The following SPADH variants were observed in gnomAD, a reference collection of about 807,000 sequenced individuals.
The protein encoded by SPADH is CUB domain-containing protein.
chr10:122,678,268 G>T, the SPADH span, among the ~76,000 whole-genome samples: 1 of 152,156 alleles, frequency 6.6e-6, no homozygotes, highest in Admixed American at 6.5e-5. Context: ...GAACTTCCAT[G>T]TGCAGCTTGT....
the SPADH span, among the ~76,000 whole-genome samples, chr10:122,677,105 C>A: frequency 6.6e-6 from 1 of 152,188 alleles, no homozygotes. Context: ...TTCCTCACAA[C>A]TGGTTTCTCT....
chr10:122,676,972 C>T, the SPADH span: 1 of 915,828 alleles, frequency 1.1e-6, no homozygotes, highest in African/African-American at 1.8e-5. Context: ...TATGGTTCAC[C>T]TTCCACCCTA....
the SPADH span, chr10:122,679,097 T>A: frequency 1.2e-6 from 1 of 802,934 alleles, no homozygotes; most frequent in Non-Finnish European, 1.5e-6. Flanking sequence ...CTGCTCTGCC[T>A]GAGCCTGGTT....
the SPADH span, chr10:122,676,796 C>T: frequency 1.0e-6 from 1 of 985,340 alleles, no homozygotes; most frequent in East Asian, 1.1e-4. Context: ...ATGAATATGG[C>T]AGGATCTTCA....
the SPADH span, among the ~76,000 whole-genome samples, chr10:122,676,524 T>C: frequency 6.6e-6 from 1 of 152,236 alleles, no homozygotes; most frequent in African/African-American, 2.4e-5. Flanking sequence ...TATTTCCCAC[T>C]GGTCATAAAC....
At chr10:122,673,072 C>A in the SPADH span, 1 of 287,142 alleles carries the variant, frequency 3.5e-6, no homozygotes, top group Non-Finnish European at 5.2e-6. Flanking sequence ...GAATGTTTCA[C>A]TTAGTGCTGG....
the SPADH span, chr10:122,676,995 A>C: frequency 1.3e-6 from 1 of 774,760 alleles, no homozygotes; most frequent in Non-Finnish European, 1.6e-6. Context: ...CATGACAGCC[A>C]TTTGACACAC....
the SPADH span, among the ~76,000 whole-genome samples, chr10:122,675,224 A>T: frequency 2.0e-5 from 3 of 151,752 alleles, no homozygotes; most frequent in Non-Finnish European, 4.4e-5. Context: ...TTTTCCCAGG[A>T]AAGTGGGACG....
the SPADH span, among the ~76,000 whole-genome samples, chr10:122,674,664 T>C: frequency 5.3e-5 from 8 of 152,316 alleles, no homozygotes; most frequent in African/African-American, 1.2e-4. Context: ...ATTATGAGGA[T>C]TGCTAATTTA....
chr10:122,672,979 T>C, the SPADH span: 7 of 962,086 alleles, frequency 7.3e-6, no homozygotes, highest in Non-Finnish European at 8.7e-6. Flanking sequence ...GTTTTCCTTT[T>C]CAACTGCAGA....
the SPADH span, chr10:122,679,011 A>G: frequency 4.1e-6 from 4 of 985,328 alleles, no homozygotes; most frequent in East Asian, 1.1e-4. Flanking sequence ...ACCTTCTTTG[A>G]AATATATTAC....
the SPADH span, among the ~76,000 whole-genome samples, chr10:122,677,263 C>A: frequency 6.6e-6 from 1 of 152,150 alleles, no homozygotes; most frequent in South Asian, 2.1e-4. Flanking sequence ...TCAATCCCTG[C>A]CAGACTCATC....
the SPADH span, chr10:122,675,613 G>T: frequency 5.6e-5 from 55 of 973,756 alleles, 1 homozygote; most frequent in South Asian, 7.6e-4. Context: ...GATTTTCATG[G>T]TTTTTTTTGT....
the SPADH span, chr10:122,678,911 G>C: frequency 3.0e-6 from 3 of 984,532 alleles, no homozygotes; most frequent in Non-Finnish European, 3.6e-6. Context: ...TGAGTCCTTG[G>C]ACAGGATTTG....
At chr10:122,675,004 G>A in the SPADH span, among the ~76,000 whole-genome samples, 2 of 152,184 alleles carry the variant, frequency 1.3e-5, no homozygotes, top group Non-Finnish European at 2.9e-5. Flanking sequence ...ACCGTGGGAC[G>A]TATGAGATTG....
the SPADH span, among the ~76,000 whole-genome samples, chr10:122,677,073 T>A: frequency 6.6e-6 from 1 of 152,214 alleles, no homozygotes. Context: ...ATAAAGTTGA[T>A]TTTCTTGTCA....
chr10:122,676,911 G>A, the SPADH span: 1 of 985,356 alleles, frequency 1.0e-6, no homozygotes, highest in Non-Finnish European at 1.2e-6. Context: ...GGGGTTGTGA[G>A]TTTTCTTTGA....
At chr10:122,676,897 T>C in the SPADH span, 2 of 985,044 alleles carry the variant, frequency 2.0e-6, 1 homozygote, top group South Asian at 9.4e-5. Flanking sequence ...CTCAAGTGAG[T>C]ACTGGGGTTG....
chr10:122,674,762 C>T, the SPADH span, among the ~76,000 whole-genome samples: 1 of 152,210 alleles, frequency 6.6e-6, no homozygotes, highest in African/African-American at 2.4e-5. Context: ...GCCAGGCTAC[C>T]CTGTGCTGGG....
Sources: allele counts gnomAD v4.1 joint callset (sites outside exome capture counted in the v4.1 genomes callset), GRCh38; gene constraint gnomAD v4.1.1; transcripts MANE v1.5; gene names NCBI Gene and HGNC (gene_info 2026-07-23, HGNC 2026-07-21).